Variants in SLCO1A2 observed in about 807,000 individuals in gnomAD.
SLCO1A2 encodes the protein OATP-1.
Under a neutral mutation model 69.0 loss-of-function variants are expected in SLCO1A2, and 67 were observed. The ratio of observed to expected loss-of-function variants is 0.97; its 90% CI spans 0.80 to 1.19. The LOEUF (loss-of-function observed/expected upper bound fraction) is 1.19. SLCO1A2 is among the 50% of genes most tolerant of loss of function. The probability of loss-of-function intolerance (pLI) is 0.00; values close to 1 mark genes in which losing one functional copy is unlikely to be tolerated. For missense variants in SLCO1A2, 787 were observed against 793.7 expected, an observed-to-expected ratio of 0.99 and a Z score of 0.10; for synonymous variants, 260 against 265.9, an observed-to-expected ratio of 0.98 and a Z score of 0.22.
At chr12:21,418,874 T>C (rs143505433), upstream of SLCO1A2, among the ~76,000 whole-genome samples, 333 of 152,294 alleles carry the variant, frequency 2.2e-3, 1 homozygote, top group African/African-American at 7.8e-3. Context: ...TATGATCTAT[T>C]TTTGTATGGC....
intron 2 of SLCO1A2, among the ~76,000 whole-genome samples, chr12:21,362,274 C>A (rs147258477): frequency 4.6e-5 from 7 of 152,012 alleles, no homozygotes; most frequent in Middle Eastern, 3.2e-3. Context: ...AATTTTCAAC[C>A]CAGAATTTCA....
chr12:21,275,315 A>C (rs1425559172), intron 13 of SLCO1A2, 45 bp downstream of exon 13: 1 of 1,440,316 alleles, frequency 6.9e-7, no homozygotes, highest in East Asian at 2.5e-5. Context: ...AATAATAATA[A>C]TAATATTGTT....
At chr12:21,271,458 G>GAGAT (rs10633168) in intron 14 of SLCO1A2, among the ~76,000 whole-genome samples, 28,077 of 151,090 alleles carry the variant, frequency 0.19, 3,261 homozygotes, top group African/African-American at 0.33. Flanking sequence ...ATTCTTATTT[G>GAGAT]AGATAGGAAA....
At chr12:21,382,612 A>G (rs1170229292) in intron 1 of SLCO1A2, among the ~76,000 whole-genome samples, 2 of 152,078 alleles carry the variant, frequency 1.3e-5, no homozygotes, top group Admixed American at 6.6e-5. Context: ...CCTGGACAAC[A>G]TGGTGAAACC....
chr12:21,364,204 C>G (rs1317281111), intron 2 of SLCO1A2, among the ~76,000 whole-genome samples: 2 of 152,184 alleles, frequency 1.3e-5, no homozygotes, highest in Non-Finnish European at 2.9e-5. Context: ...CCACCATGAT[C>G]AAGTTGGCTT....
At position 21,333,784 on chromosome 12, in the gene SLCO1A2, T is replaced by C. The variant is rs115026972; in HGVS notation, c.60+804A>G. Among the ~76,000 whole-genome samples, 643 of 152,246 alleles carry C rather than the reference T, an allele frequency of 4.2e-3. 9 individuals carry two copies. Among genetic ancestry groups the C allele is most frequent in the African/African-American group, 0.015 (619 of 41,578 alleles). On this transcript the variant is annotated intron_variant, in intron 2 of 14. Coordinates refer to ENST00000683939, the MANE Select transcript of SLCO1A2 (RefSeq NM_001386879.1). ...GAATGTTGCTATTACCCTTTTCAGA[T>C]GAGAAAACTGAAGCACAAAAAGTTT... is the stretch of plus-strand genomic sequence containing the variant.
At chr12:21,301,037 C>G (rs1447146658) in intron 7 of SLCO1A2, 134 bp downstream of exon 7, 1 of 496,808 alleles carries the variant, frequency 2.0e-6, no homozygotes, top group Non-Finnish European at 3.4e-6. Flanking sequence ...AATTCCTCCA[C>G]TAGAGTTTCT....
chr12:21,373,529 C>G (rs1194190116), intron 2 of SLCO1A2: 1 of 829,024 alleles, frequency 1.2e-6, no homozygotes, highest in African/African-American at 1.7e-5. Flanking sequence ...AGATTTCTGA[C>G]TATATCATAC....
chr12:21,324,647 A>T (rs1039639356), intron 2 of SLCO1A2: 1 of 152,226 alleles, frequency 6.6e-6, no homozygotes, highest in Admixed American at 6.5e-5. Context: ...TCATAAAAAC[A>T]TACTTCACCC....
chr12:21,269,483 T>C lies in SLCO1A2; in HGVS notation c.*65A>G. The C allele has an allele frequency of 7.9e-7, 1 of 1,260,204 alleles. No homozygotes were observed. The highest frequency in any genetic ancestry group is 1.1e-6 in the Non-Finnish European group (1 of 895,132). The allele number at this position is 1,260,204 out of a possible 1,614,324, so 78.1% of individuals were successfully genotyped here. A position where few individuals can be genotyped will look rare whatever the true frequency, so the allele number is the denominator to read the frequency against. On this transcript the variant is annotated 3_prime_UTR_variant, in exon 15 of 15. Transcript: ENST00000683939. ...AAGTTATCTATTATATCTCTACTGA[T>C]TTTTAAAACAATTAAGTTGTACAGC...
At chr12:21,288,082 G>A (rs1031543392) in intron 12 of SLCO1A2, among the ~76,000 whole-genome samples, 8 of 150,350 alleles carry the variant, frequency 5.3e-5, no homozygotes, top group South Asian at 2.1e-4. Context: ...AGGTCATAAC[G>A]TTAAGTAAAG....
At chr12:21,274,769 T>A (rs564030820) in intron 13 of SLCO1A2, 183 bp from the exon 14 acceptor site, 1 of 683,324 alleles carries the variant, frequency 1.5e-6, no homozygotes, top group Non-Finnish European at 2.3e-6. Context: ...TATTAAAAGA[T>A]AAGTAATCTT....
chr12:21,295,604 A>G lies in SLCO1A2; in HGVS notation c.1264T>C (p.Tyr422His). Reference sequence around the variant, plus strand: ...CATTAGAAAACAACATACCCTTCATAAGAGGTATTTATTCCAACAACTGAA... The same window carrying G: ...CATTAGAAAACAACATACCCTTCATGAGAGGTATTTATTCCAACAACTGAA... ...NSSVVGINTSYEGIPQDLYVE... is the reference protein window; with the variant it reads ...NSSVVGINTSHEGIPQDLYVE... Residue 422 changes from tyrosine (Y) to histidine (H), a missense_variant, in exon 10 of 15, where the codon TAT becomes CAT. Physicochemically the swap from Tyr to His is moderately conservative, Grantham distance 83 (BLOSUM62 2). Transcript: ENST00000683939. 1 of 1,564,184 alleles carries G rather than the reference A, an allele frequency of 6.4e-7. No homozygotes were observed. Among genetic ancestry groups the G allele is most frequent in the Non-Finnish European group, 8.8e-7 (1 of 1,136,254 alleles).
chr12:21,388,960 C>T (rs1941022290), intron 1 of SLCO1A2, among the ~76,000 whole-genome samples: 1 of 152,204 alleles, frequency 6.6e-6, no homozygotes, highest in African/African-American at 2.4e-5. Flanking sequence ...TACCATAATA[C>T]AGCAATCCAA....
chr12:21,364,951 T>C (rs1421667267), intron 2 of SLCO1A2, among the ~76,000 whole-genome samples: 1 of 152,148 alleles, frequency 6.6e-6, no homozygotes, highest in African/African-American at 2.4e-5. Context: ...GAATCAATGT[T>C]GTGAAAATGG....
intron 2 of SLCO1A2, chr12:21,319,666 G>C (rs1951351991): frequency 5.8e-6 from 2 of 345,624 alleles, no homozygotes; most frequent in Admixed American, 7.5e-5. Flanking sequence ...AGCTCACCTG[G>C]ACCATTGGCT....
rs767802917 is a variant in SLCO1A2 at position 21,318,873 on chromosome 12, TC to T, written c.110del (p.Gly37AspfsTer4). 6 of 1,611,150 alleles carry T rather than the reference TC, an allele frequency of 3.7e-6. No individual in the cohort carries two copies. Among genetic ancestry groups the T allele is most frequent in the Non-Finnish European group, 4.2e-6 (5 of 1,178,638 alleles). On this transcript the variant is annotated frameshift_variant, in exon 3 of 15. Coordinates refer to ENST00000683939, the MANE Select transcript of SLCO1A2 (RefSeq NM_001386879.1). LOFTEE classifies it high-confidence loss of function. The stretch of plus-strand genomic sequence containing the variant: ...GTGTGAGCATGGAATTCATATAAGA[TC>T]CAGACAGTGTTTTGGATACAAATGC... ...TCAFVSKTLS[G>X]SYMNSMLTQI... is the part of the protein sequence containing the mutation.
intron 1 of SLCO1A2, among the ~76,000 whole-genome samples, chr12:21,391,740 GA>G (rs931785400): frequency 2.5e-3 from 327 of 133,464 alleles, no homozygotes; most frequent in African/African-American, 6.4e-3. Context: ...ACATTCAAAA[GA>G]AAAAAAAAAA....
intron 1 of SLCO1A2, among the ~76,000 whole-genome samples, chr12:21,400,602 C>T (rs1941658603): frequency 6.6e-6 from 1 of 151,618 alleles, no homozygotes; most frequent in Admixed American, 6.6e-5. Context: ...GCTCTATTCA[C>T]AATAGCAAAG....
Sources: gnomAD v4.1 joint callset for allele counts (sites outside exome capture counted in the v4.1 genomes callset) on GRCh38, gnomAD v4.1.1 for gene constraint, MANE v1.5 for transcripts, NCBI Gene and HGNC (gene_info 2026-07-23, HGNC 2026-07-21) for gene names.